MME: variants seen among roughly 807,000 people sequenced by gnomAD.
MME encodes the protein membrane metalloendopeptidase, also known as neprilysin.
A neutral mutation model predicts 113.2 loss-of-function variants in MME; 98 were observed. The observed-to-expected ratio is 0.87, with a 90% CI of 0.74 to 1.02. The LOEUF is 1.02. Among genes scored for constraint, MME ranks in the 50% least tolerant of loss-of-function variants. The pLI is 0.00. For synonymous variants in MME, 292 were observed against 300.6 expected (o/e 0.97, Z 0.30); for missense variants, 836 against 896.0 (o/e 0.93, Z 0.86).
chr3:155,170,777 C>T (rs191153274), intron 20 of MME, among the ~76,000 whole-genome samples: 5 of 152,166 alleles, frequency 3.3e-5, no homozygotes, highest in African/African-American at 1.2e-4. Context: ...TCCTTATCCT[C>T]AACTCAAGGA....
chr3:155,174,250 G>T (rs1304813612), intron 22 of MME, among the ~76,000 whole-genome samples: 1 of 150,180 alleles, frequency 6.7e-6, no homozygotes. Flanking sequence ...TAAATTATTT[G>T]TATCTTTAAG....
At chr3:155,080,682 TG>T (rs1715060467) in intron 1 of MME, among the ~76,000 whole-genome samples, 1 of 152,192 alleles carries the variant, frequency 6.6e-6, no homozygotes, top group South Asian at 2.1e-4. Flanking sequence ...ACCTCTTAAC[TG>T]GTTTCAGTCT....
chr3:155,098,361 C>T (rs1177764641), intron 3 of MME, among the ~76,000 whole-genome samples: 2 of 152,068 alleles, frequency 1.3e-5, no homozygotes, highest in African/African-American at 4.8e-5. Context: ...CAAGACCATC[C>T]TGGCCAACGT....
chr3:155,177,502 C>G (rs2108386176), intron 22 of MME, among the ~76,000 whole-genome samples: 1 of 152,268 alleles, frequency 6.6e-6, no homozygotes, highest in East Asian at 1.9e-4. Flanking sequence ...TAAACAGTCA[C>G]TTTTGACTAC....
chr3:155,164,889 T>C (rs1348301121), intron 17 of MME, among the ~76,000 whole-genome samples: 1 of 152,160 alleles, frequency 6.6e-6, no homozygotes, highest in African/African-American at 2.4e-5. Flanking sequence ...TTTGTAGAGG[T>C]CTGGGGAGCA....
chr3:155,138,061 T>C, intron 8 of MME, 41 bp from the exon 9 acceptor site: 1 of 1,608,658 alleles, frequency 6.2e-7, no homozygotes, highest in Middle Eastern at 1.7e-4. Flanking sequence ...GATGAATATT[T>C]AGAGCTACTC....
chr3:155,137,973 A>G, intron 8 of MME, 129 bp from the exon 9 acceptor site: 1 of 1,039,660 alleles, frequency 9.6e-7, no homozygotes, highest in Non-Finnish European at 1.5e-6. Context: ...TTAAATACTT[A>G]GAAAAGGATT....
intron 8 of MME, among the ~76,000 whole-genome samples, chr3:155,125,128 G>A (rs1303803452): frequency 2.2e-5 from 3 of 138,634 alleles, no homozygotes; most frequent in Middle Eastern, 3.3e-3. Context: ...GTGGTGCGCC[G>A]TTTTTAAGCC....
intron 1 of MME, among the ~76,000 whole-genome samples, chr3:155,051,003 A>C (rs928969803): frequency 2.0e-5 from 3 of 152,180 alleles, no homozygotes; most frequent in African/African-American, 7.2e-5. Flanking sequence ...TGAGCTGAGG[A>C]TATTTCTAAG....
At chr3:155,084,968 T>C (rs1715535579) in intron 2 of MME, 91 bp from the exon 3 acceptor site, 5 of 818,472 alleles carry the variant, frequency 6.1e-6, no homozygotes, top group Non-Finnish European at 3.9e-6. Flanking sequence ...AAATTGCTTA[T>C]TTAATTGGCA....
intron 1 of MME, among the ~76,000 whole-genome samples, chr3:155,040,687 T>C (rs963571819): frequency 1.3e-5 from 2 of 152,060 alleles, no homozygotes; most frequent in Non-Finnish European, 2.9e-5. Flanking sequence ...AGGATTTGTT[T>C]ATACTATTTT....
chr3:155,173,870 G>A (rs1288563883), intron 22 of MME, among the ~76,000 whole-genome samples: 1 of 151,910 alleles, frequency 6.6e-6, no homozygotes, highest in African/African-American at 2.4e-5. Flanking sequence ...TCCAACCATG[G>A]CTTCACCATT....
chr3:155,106,534 G>T (rs549245408), intron 3 of MME, among the ~76,000 whole-genome samples: 2 of 152,228 alleles, frequency 1.3e-5, no homozygotes, highest in African/African-American at 2.4e-5. Context: ...CTTCAAAAAT[G>T]GTTCCCCAGA....
chr3:155,114,346 T>G (rs1309410172), intron 3 of MME, among the ~76,000 whole-genome samples: 1 of 152,180 alleles, frequency 6.6e-6, no homozygotes, highest in Non-Finnish European at 1.5e-5. Flanking sequence ...TGTTGGTTGA[T>G]TTGCATTTTC....
At chr3:155,127,480 T>C (rs919629374) in intron 8 of MME, among the ~76,000 whole-genome samples, 3 of 152,240 alleles carry the variant, frequency 2.0e-5, no homozygotes, top group Admixed American at 6.5e-5. Flanking sequence ...GCTTAAAACA[T>C]TGTCATGTGG....
chr3:155,096,871 A>AC (rs903238236), intron 3 of MME, among the ~76,000 whole-genome samples: 9 of 152,132 alleles, frequency 5.9e-5, no homozygotes, highest in African/African-American at 2.2e-4. Flanking sequence ...GGCATGCACC[A>AC]CCACACCCCG....
rs186489521 is a variant in MME, at chr3:155,163,728, G to A, written c.1661-3174G>A. Reference sequence around the variant, plus strand: ...TTCTTCAGTGTGTTCAGTCTGTGTCGACTATAAATACCTTGAGATAGTTAA... The same window carrying A: ...TTCTTCAGTGTGTTCAGTCTGTGTCAACTATAAATACCTTGAGATAGTTAA... On this transcript the variant is annotated intron_variant, in intron 17 of 22. Coordinates refer to ENST00000360490, the MANE Select transcript of MME (RefSeq NM_007289.4). 2.6e-4 allele frequency among the ~76,000 whole-genome samples: 39 copies of A among 151,904 alleles called. No homozygotes were observed. In the East Asian group the frequency reaches 6.6e-3, roughly 26 times the overall value.
At chr3:155,143,264 A>C (rs1026582857) in intron 12 of MME, among the ~76,000 whole-genome samples, 179 bp from the exon 13 acceptor site, 3 of 152,196 alleles carry the variant, frequency 2.0e-5, no homozygotes, top group Non-Finnish European at 2.9e-5. Context: ...TTTTCAGATC[A>C]TATATAAGTA....
rs191627537 is a variant in MME, at chr3:155,182,156, G to A, written c.*1697G>A. 4 of 152,250 alleles carry A rather than the reference G, an allele frequency of 2.6e-5. No homozygotes were observed. The East Asian group carries it at 7.7e-4, about 29-fold the overall frequency. The allele number at this position is 152,250 out of a possible 1,614,324, so 9.4% of individuals were successfully genotyped here. A position where few individuals can be genotyped will look rare whatever the true frequency, so the allele number is the denominator to read the frequency against. ...TTTGCCTGGTTTTGTCTTTTATGCA[G>A]ATAGAATCAATCAGTATGTATTCTT... On this transcript the variant is annotated 3_prime_UTR_variant, in exon 23 of 23. Coordinates refer to ENST00000360490, the MANE Select transcript of MME (RefSeq NM_007289.4).
Sources: allele counts gnomAD v4.1 joint callset (sites outside exome capture counted in the v4.1 genomes callset), GRCh38; gene constraint gnomAD v4.1.1; transcripts MANE v1.5; gene names NCBI Gene and HGNC (gene_info 2026-07-23, HGNC 2026-07-21).